The following DLGAP2 variants were observed in gnomAD, a reference collection of about 807,000 sequenced individuals.
DLGAP2 encodes DLG associated protein 2.
Under a neutral mutation model 100.3 loss-of-function variants are expected in DLGAP2, and 26 were observed. That is an observed-to-expected ratio of 0.26 (90% CI 0.19 to 0.36). The LOEUF (loss-of-function observed/expected upper bound fraction) is 0.36, where lower values mean the gene tolerates loss of function less well. Ranked by LOEUF, DLGAP2 falls within the 10% of genes least tolerant of loss-of-function variation. The pLI, the probability that DLGAP2 is intolerant of heterozygous loss-of-function variation, is 1.00. For synonymous variants in DLGAP2, 886 were observed against 630.1 expected, an observed-to-expected ratio of 1.41 and a Z score of -6.08; for missense variants, 1,858 against 1,453.2, an observed-to-expected ratio of 1.28 and a Z score of -4.53.
intron 2 of DLGAP2, among the ~76,000 whole-genome samples, chr8:908,356 T>C (rs560877377): frequency 6.6e-6 from 1 of 152,318 alleles, no homozygotes; most frequent in African/African-American, 2.4e-5. Context: ...TTGGAATCTG[T>C]TTGCAGTCAA....
At chr8:1,625,879 G>A (rs1489424586) in intron 6 of DLGAP2, among the ~76,000 whole-genome samples, 1 of 152,272 alleles carries the variant, frequency 6.6e-6, no homozygotes, top group Admixed American at 6.5e-5. Context: ...ATATGGCAAA[G>A]TTACTCATCA....
intron 2 of DLGAP2, among the ~76,000 whole-genome samples, chr8:1,243,903 C>T (rs774773689): frequency 6.6e-6 from 1 of 152,230 alleles, no homozygotes; most frequent in East Asian, 1.9e-4. Context: ...CATCTGTTCT[C>T]TTATTAAAGA....
intron 3 of DLGAP2, among the ~76,000 whole-genome samples, chr8:1,317,440 G>C (rs112057927): frequency 0.097 from 12,314 of 126,776 alleles, 1,071 homozygotes; most frequent in East Asian, 0.15. Context: ...AAACTTCGCA[G>C]CTTTTAAAAA....
intron 2 of DLGAP2, among the ~76,000 whole-genome samples, chr8:1,254,904 T>TCTCTCCTGCCCAGGTGCTGTGTGTGTC (rs1563042997): frequency 1.5e-5 from 2 of 134,316 alleles, no homozygotes; most frequent in African/African-American, 2.8e-5. Flanking sequence ...GTGTCTGTGC[T>TCTCTCCTGCCCAGGTGCTGTGTGTGTC]CTCTCCTGCC....
intron 2 of DLGAP2, among the ~76,000 whole-genome samples, chr8:1,189,558 G>C (rs1257133892): frequency 6.6e-6 from 1 of 152,190 alleles, no homozygotes; most frequent in Non-Finnish European, 1.5e-5. Flanking sequence ...GTTAGGGAAA[G>C]ACCAGCTTAA....
chr8:1,192,883 T>A (rs7018236), intron 2 of DLGAP2, among the ~76,000 whole-genome samples: 63 of 152,118 alleles, frequency 4.1e-4, no homozygotes, highest in African/African-American at 1.5e-3. Flanking sequence ...CCAAGTGATT[T>A]CATTGTTCAC....
At chr8:1,374,901 G>A (rs1198597265) in intron 3 of DLGAP2, among the ~76,000 whole-genome samples, 1 of 152,144 alleles carries the variant, frequency 6.6e-6, no homozygotes, top group Admixed American at 6.5e-5. Context: ...CCTGTTTCAC[G>A]AGTGGGATCC....
intron 3 of DLGAP2, among the ~76,000 whole-genome samples, chr8:1,412,385 C>T (rs934148324): frequency 1.3e-5 from 2 of 152,174 alleles, no homozygotes; most frequent in Non-Finnish European, 1.5e-5. Context: ...GTGGAGGTTC[C>T]AAAAGGTTCT....
chr8:1,496,807 A>C (rs534897580), intron 3 of DLGAP2, among the ~76,000 whole-genome samples: 2 of 152,306 alleles, frequency 1.3e-5, no homozygotes, highest in East Asian at 3.9e-4. Context: ...CGCCATCCGC[A>C]CGTTCGCTGC....
intron 2 of DLGAP2, chr8:1,137,443 C>G (rs1796441042): frequency 6.6e-6 from 1 of 152,584 alleles, no homozygotes; most frequent in African/African-American, 2.4e-5. Flanking sequence ...GACACTGTCC[C>G]ATTGCTGCAT....
chr8:956,725 CA>C (rs1799606243), intron 2 of DLGAP2, among the ~76,000 whole-genome samples: 1 of 152,230 alleles, frequency 6.6e-6, no homozygotes, highest in Admixed American at 6.5e-5. Flanking sequence ...GTTACTTAGG[CA>C]AGGGAAGCCC....
At chr8:1,052,323 G>A (rs1471035573) in intron 2 of DLGAP2, among the ~76,000 whole-genome samples, 2 of 152,166 alleles carry the variant, frequency 1.3e-5, no homozygotes, top group Non-Finnish European at 2.9e-5. Context: ...GCAAAACCAT[G>A]CCAAATGCCA....
chr8:1,221,231 A>G (rs186790923), intron 2 of DLGAP2, among the ~76,000 whole-genome samples: 50 of 152,296 alleles, frequency 3.3e-4, no homozygotes, highest in African/African-American at 9.4e-4. Flanking sequence ...GTGGTGGCAG[A>G]TAAGGGTCTT....
chr8:893,738 G>T (rs1479528924), intron 1 of DLGAP2, among the ~76,000 whole-genome samples: 1 of 152,260 alleles, frequency 6.6e-6, no homozygotes. Context: ...TTTGGAAAAT[G>T]TTTGCAGAGC....
At chr8:1,437,547 A>G (rs1158989382) in intron 3 of DLGAP2, among the ~76,000 whole-genome samples, 1 of 152,172 alleles carries the variant, frequency 6.6e-6, no homozygotes, top group African/African-American at 2.4e-5. Flanking sequence ...ACGTGGATGG[A>G]TGGATCAGAG....
intron 2 of DLGAP2, among the ~76,000 whole-genome samples, chr8:1,040,052 G>T (rs1802280990): frequency 1.3e-5 from 2 of 149,090 alleles, no homozygotes; most frequent in Admixed American, 6.6e-5. Flanking sequence ...GGTCGGCTCG[G>T]TGTGCGTGGT....
intron 3 of DLGAP2, among the ~76,000 whole-genome samples, chr8:1,358,080 C>T (rs1439777703): frequency 2.0e-5 from 3 of 152,124 alleles, no homozygotes; most frequent in Non-Finnish European, 4.4e-5. Context: ...AGCGTCAGAA[C>T]GCAGCCCCCT....
chr8:1,211,623 C>T (rs1258056010), intron 2 of DLGAP2, among the ~76,000 whole-genome samples: 1 of 152,196 alleles, frequency 6.6e-6, no homozygotes, highest in Non-Finnish European at 1.5e-5. Context: ...CGCCTGTAAT[C>T]CCAGCACTTT....
intron 6 of DLGAP2, among the ~76,000 whole-genome samples, chr8:1,626,459 C>T (rs1237724015): frequency 7.0e-6 from 1 of 143,426 alleles, no homozygotes; most frequent in Non-Finnish European, 1.5e-5. Flanking sequence ...CTGTTCCCAT[C>T]TGTACCCTGT....
Sources: allele counts gnomAD v4.1 joint callset (sites outside exome capture counted in the v4.1 genomes callset), GRCh38; gene constraint gnomAD v4.1.1; transcripts MANE v1.5; gene names NCBI Gene and HGNC (gene_info 2026-07-23, HGNC 2026-07-21).